CGNL1: variants seen among roughly 807,000 people sequenced by gnomAD.
CGNL1 encodes cingulin-like protein 1.
CGNL1 carries 132 observed loss-of-function variants against 141.2 expected under a neutral mutation model. That is an observed-to-expected ratio of 0.93 (90% CI 0.81 to 1.08). CGNL1 has a LOEUF of 1.08. Among genes scored for constraint, CGNL1 ranks in the 50% least tolerant of loss-of-function variants. CGNL1 has a pLI of 0.00. For missense variants in CGNL1, 1,870 were observed against 1,588.6 expected, an observed-to-expected ratio of 1.18 and a Z score of -3.01; for synonymous variants, 690 against 622.1, an observed-to-expected ratio of 1.11 and a Z score of -1.63.
intron 1 of CGNL1, among the ~76,000 whole-genome samples, chr15:57,426,968 G>A (rs1294220402): frequency 6.6e-6 from 1 of 152,150 alleles, no homozygotes; most frequent in South Asian, 2.1e-4. Flanking sequence ...AGGAGAGAGG[G>A]AGCTAAGGGC....
chr15:57,466,010 A>G (rs1000855149), intron 8 of CGNL1, among the ~76,000 whole-genome samples: 1 of 152,222 alleles, frequency 6.6e-6, no homozygotes, highest in African/African-American at 2.4e-5. Context: ...ATGAATGCCT[A>G]TGTTATGTGG....
At chr15:57,442,302 T>A in intron 3 of CGNL1, 71 bp from the exon 4 acceptor site, 1 of 902,450 alleles carries the variant, frequency 1.1e-6, no homozygotes, top group South Asian at 1.4e-5. Context: ...TGGGTGTGTG[T>A]CATGACATAT....
intron 14 of CGNL1, among the ~76,000 whole-genome samples, chr15:57,537,309 G>A (rs1391548103): frequency 6.6e-6 from 1 of 152,192 alleles, no homozygotes; most frequent in Non-Finnish European, 1.5e-5. Context: ...TTAAATGCCA[G>A]TGATAGAGTT....
intron 8 of CGNL1, among the ~76,000 whole-genome samples, chr15:57,514,981 C>A (rs2030651427): frequency 6.6e-6 from 1 of 152,140 alleles, no homozygotes; most frequent in Non-Finnish European, 1.5e-5. Flanking sequence ...CATGCCAGTA[C>A]TGCCCTGTCT....
At chr15:57,391,045 C>A (rs756373534) in intron 1 of CGNL1, among the ~76,000 whole-genome samples, 2 of 152,184 alleles carry the variant, frequency 1.3e-5, no homozygotes, top group Non-Finnish European at 2.9e-5. Context: ...GCTGTAGCTT[C>A]CAGACCCTGC....
chr15:57,398,053 T>A (rs1336043965), intron 1 of CGNL1, among the ~76,000 whole-genome samples: 4 of 152,216 alleles, frequency 2.6e-5, no homozygotes, highest in Non-Finnish European at 4.4e-5. Context: ...AGTGCTGGGA[T>A]TACAGGCGTG....
chr15:57,497,446 C>A (rs1195950453), intron 8 of CGNL1, among the ~76,000 whole-genome samples: 1 of 152,206 alleles, frequency 6.6e-6, no homozygotes, highest in East Asian at 1.9e-4. Flanking sequence ...TGGCATGTGT[C>A]TCTTGGCCTC....
chr15:57,544,346 C>T lies in CGNL1; in HGVS notation c.3376-127C>T, dbSNP rs1440504744. The T allele has an allele frequency of 2.2e-5, 25 of 1,148,548 alleles. No individual in the cohort carries two copies. In the East Asian group the frequency reaches 3.7e-4, roughly 17 times the overall value. The allele number at this position is 1,148,548 out of a possible 1,614,324, so 71.1% of individuals were successfully genotyped here. On this transcript the variant is annotated intron_variant, in intron 15 of 18. Coordinates refer to ENST00000281282, the MANE Select transcript of CGNL1 (RefSeq NM_032866.5). The stretch of plus-strand genomic sequence containing the variant: ...GTTCCCCAGGTCTCCAGGCCACAGG[C>T]CCTGGTGTGGAAAGCAGCCTCATCG...
Position 57,405,790 on chromosome 15 carries a change from CTT to C in CGNL1, c.-16+29225_-16+29226del, listed in dbSNP as rs1476918268. ...TTTCTTTCTCTTTCTTTCTTTCTTT[CTT>C]TCTTTCTTTCTTTCTTTCCTTCTTT... is the stretch of plus-strand genomic sequence containing the variant. On this transcript the variant is annotated intron_variant, in intron 1 of 18. Transcript: ENST00000281282. 1.1e-4 allele frequency among the ~76,000 whole-genome samples: 14 copies of C among 122,504 alleles called. 1 individual carries two copies. In the South Asian group the frequency reaches 1.7e-3, roughly 15 times the overall value. The allele number at this position is 122,504 out of a possible 152,430, so 80.4% of individuals were successfully genotyped here.
Position 57,547,338 on chromosome 15 carries a change from C to T in CGNL1, c.3774-17C>T. 1 of 1,613,546 alleles carries T rather than the reference C, an allele frequency of 6.2e-7. No homozygotes were observed. The highest frequency in any genetic ancestry group is 8.5e-7 in the Non-Finnish European group (1 of 1,179,790). On this transcript the variant is annotated splice_polypyrimidine_tract_variant and intron_variant, in intron 18 of 18. Coordinates refer to ENST00000281282, the MANE Select transcript of CGNL1 (RefSeq NM_032866.5). ...CCGGCCCAGGGCCAGGAAACATGCC[C>T]CTTGTCATTTCAGCAGACTGAAGAA...
rs1210359951 is a variant in CGNL1 at position 57,405,829 on chromosome 15, T to TCC, written c.-16+29262_-16+29263insCC. The TCC allele has an allele frequency of 7.4e-3, 680 of 91,492 alleles. 2 individuals are homozygous for TCC. The highest frequency in any genetic ancestry group is 0.017 in the East Asian group (60 of 3,528). The allele number at this position is 91,492 out of a possible 1,614,324, so 5.7% of individuals were successfully genotyped here. On this transcript the variant is annotated intron_variant, in intron 1 of 18. Coordinates refer to ENST00000281282, the MANE Select transcript of CGNL1 (RefSeq NM_032866.5). ...TTCTTTCCTTCTTTCTTTCTTTCTT[T>TCC]TTCTTTCTTTTCTTTTTCTTTCTTT...
intron 1 of CGNL1, among the ~76,000 whole-genome samples, chr15:57,379,046 T>TGTG (rs2062397786): frequency 6.9e-6 from 1 of 144,300 alleles, no homozygotes; most frequent in African/African-American, 2.4e-5. Flanking sequence ...CTACTGTTTT[T>TGTG]TTTGTGTGTG....
intron 8 of CGNL1, among the ~76,000 whole-genome samples, chr15:57,471,749 A>G (rs1371844431): frequency 2.6e-5 from 4 of 152,192 alleles, no homozygotes. Flanking sequence ...TTCAATAGTC[A>G]GTGTCAATGT....
Position 57,378,000 on chromosome 15 carries a change from A to T in CGNL1, c.-16+1433A>T, listed in dbSNP as rs142549243. Among the ~76,000 whole-genome samples the T allele has an allele frequency of 4.9e-3, 742 of 152,346 alleles. 5 individuals are homozygous for T. Among genetic ancestry groups the T allele is most frequent in the African/African-American group, 0.017 (714 of 41,572 alleles). Reference sequence around the variant, plus strand: ...TGTGGTTGATATTTGTGTTAACATAAGTCCATTTTTGTAGATTAAACTTAT... The same window carrying T: ...TGTGGTTGATATTTGTGTTAACATATGTCCATTTTTGTAGATTAAACTTAT... On this transcript the variant is annotated intron_variant, in intron 1 of 18. Transcript: ENST00000281282.
In CGNL1 at chr15:57,544,607, G is replaced by A. The variant is rs1293015590; in HGVS notation, c.3500+10G>A. 16 of 1,567,156 alleles carry A rather than the reference G, an allele frequency of 1.0e-5. No individual in the cohort carries two copies. Among genetic ancestry groups the A allele is most frequent in the Admixed American group, 1.9e-5 (1 of 52,242 alleles). The stretch of plus-strand genomic sequence containing the variant: ...TGGAGAGTGAGGAGAGGTGAGCCGG[G>A]CCCACCCACTGCAGTGCGGAGGCCC... On this transcript the variant is annotated intron_variant, in intron 16 of 18. Coordinates refer to ENST00000281282, the MANE Select transcript of CGNL1 (RefSeq NM_032866.5).
intron 4 of CGNL1, among the ~76,000 whole-genome samples, chr15:57,447,089 A>T (rs111674442): frequency 1.1e-3 from 163 of 152,272 alleles, no homozygotes; most frequent in African/African-American, 3.5e-3. Flanking sequence ...TACCAAATGC[A>T]TAGATAAATT....
intron 1 of CGNL1, among the ~76,000 whole-genome samples, chr15:57,386,685 A>G (rs1240702462): frequency 7.9e-5 from 12 of 152,154 alleles, no homozygotes; most frequent in Admixed American, 3.3e-4. Flanking sequence ...CACCTGTAAA[A>G]TGAGGATAAC....
In CGNL1 at chr15:57,439,565, T is replaced by G; in HGVS notation, c.1566T>G (p.Ile522Met). Reference protein sequence around the residue: ...ATSPDSGAKKISVKTFPSASN... With the variant: ...ATSPDSGAKKMSVKTFPSASN... The stretch of plus-strand genomic sequence containing the variant: ...CGCCTGATTCTGGTGCCAAGAAAAT[T>G]TCCGTGAAGACATTTCCTTCGGCCT... The change falls in exon 2 of 19, where the codon ATT becomes ATG. Residue 522 changes from isoleucine (I) to methionine (M), a missense_variant. Ile to Met is a conservative substitution (Grantham distance 10). Transcript: ENST00000281282. The G allele has an allele frequency of 1.9e-6, 3 of 1,613,886 alleles. No homozygotes were observed. The highest frequency in any genetic ancestry group is 2.5e-6 in the Non-Finnish European group (3 of 1,180,008).
intron 13 of CGNL1, among the ~76,000 whole-genome samples, chr15:57,531,088 T>C (rs2031926960): frequency 1.3e-5 from 2 of 152,232 alleles, no homozygotes; most frequent in South Asian, 4.1e-4. Context: ...GAACACTCAA[T>C]TAGGTTAGAT....
Sources: gnomAD v4.1 joint callset for allele counts (sites outside exome capture counted in the v4.1 genomes callset) on GRCh38, gnomAD v4.1.1 for gene constraint, MANE v1.5 for transcripts, NCBI Gene and HGNC (gene_info 2026-07-23, HGNC 2026-07-21) for gene names.